The following ARHGAP44 variants were observed in gnomAD, a reference collection of about 807,000 sequenced individuals.
The protein encoded by ARHGAP44 is Rho GTPase activating protein 44, also known as rho GTPase-activating protein 44.
Under a neutral mutation model 106.8 loss-of-function variants are expected in ARHGAP44, and 43 were observed. The observed-to-expected ratio is 0.40, with a 90% CI of 0.32 to 0.52. The LOEUF (loss-of-function observed/expected upper bound fraction) is 0.52. Among genes scored for constraint, ARHGAP44 ranks in the 20% least tolerant of loss-of-function variants. The pLI is 0.48. For missense variants in ARHGAP44, 866 were observed against 1,050.5 expected, an observed-to-expected ratio of 0.82 and a Z score of 2.43; for synonymous variants, 439 against 410.3, an observed-to-expected ratio of 1.07 and a Z score of -0.85.
At chr17:12,970,055 C>T (rs2039486792) in intron 16 of ARHGAP44, among the ~76,000 whole-genome samples, 1 of 152,088 alleles carries the variant, frequency 6.6e-6, no homozygotes, top group Non-Finnish European at 1.5e-5. Context: ...GTGGGTCTAC[C>T]TTGCCAAAAT....
chr17:12,954,852 T>C (rs917095299), intron 13 of ARHGAP44, among the ~76,000 whole-genome samples: 9 of 152,208 alleles, frequency 5.9e-5, no homozygotes, highest in African/African-American at 1.9e-4. Context: ...TTTTATAAAA[T>C]AACTTTATTA....
chr17:12,838,168 A>G (rs2035291500), intron 1 of ARHGAP44, among the ~76,000 whole-genome samples: 1 of 152,222 alleles, frequency 6.6e-6, no homozygotes, highest in Non-Finnish European at 1.5e-5. Flanking sequence ...AGTAATTGCT[A>G]ACACTATCCT....
chr17:12,912,535 A>T (rs7222249), intron 4 of ARHGAP44, among the ~76,000 whole-genome samples: 111,035 of 152,060 alleles, frequency 0.73, 40,836 homozygotes, highest in East Asian at 0.98. Context: ...CCAACAGCAT[A>T]TTCCGGATCT....
At chr17:12,831,016 G>T (rs1003643016) in intron 1 of ARHGAP44, among the ~76,000 whole-genome samples, 2 of 152,264 alleles carry the variant, frequency 1.3e-5, no homozygotes, top group East Asian at 3.9e-4. Flanking sequence ...TTTCCTGTTC[G>T]GTTTTTGTCC....
At chr17:12,910,954 G>C (rs1015408589) in intron 4 of ARHGAP44, among the ~76,000 whole-genome samples, 1 of 136,462 alleles carries the variant, frequency 7.3e-6, no homozygotes, top group Non-Finnish European at 1.6e-5. Context: ...ACCACAAAAA[G>C]AATAGAAATA....
chr17:12,790,337 G>C (rs1348891383), intron 1 of ARHGAP44: 2 of 166,874 alleles, frequency 1.2e-5, no homozygotes, highest in African/African-American at 4.8e-5. Context: ...CGGGTCCAGG[G>C]AAAGTGCTGG....
intron 20 of ARHGAP44, chr17:12,985,498 A>G (rs1480456107): frequency 1.3e-5 from 2 of 152,192 alleles, no homozygotes; most frequent in African/African-American, 4.8e-5. Context: ...ACAAACCCAC[A>G]ACGACTTAAT....
At chr17:12,841,641 A>ACACACAC (rs2035409552) in intron 1 of ARHGAP44, among the ~76,000 whole-genome samples, 1 of 127,806 alleles carries the variant, frequency 7.8e-6, no homozygotes, top group Non-Finnish European at 1.6e-5. Flanking sequence ...CACACACACA[A>ACACACAC]ACAAACAAAC....
chr17:12,934,221 GT>G (rs1449853236), intron 7 of ARHGAP44, among the ~76,000 whole-genome samples: 2 of 152,082 alleles, frequency 1.3e-5, no homozygotes, highest in Admixed American at 1.3e-4. Context: ...CTCTCTTTTA[GT>G]TTGTATCTCT....
At chr17:12,973,485 G>A (rs1054621288) in intron 17 of ARHGAP44, 166 bp downstream of exon 17, 28 of 702,288 alleles carry the variant, frequency 4.0e-5, no homozygotes, top group Non-Finnish European at 5.9e-5. Context: ...AGCCCAGAGG[G>A]ACCATAGGCA....
chr17:12,980,036 G>C (rs984374101), intron 18 of ARHGAP44, 22 bp from the exon 19 acceptor site: 1 of 1,582,948 alleles, frequency 6.3e-7, no homozygotes, highest in African/African-American at 1.4e-5. Context: ...CTTTTCTTTT[G>C]TCTCATGTGC....
chr17:12,839,417 C>CT (rs1276014933), intron 1 of ARHGAP44, among the ~76,000 whole-genome samples: 1 of 152,184 alleles, frequency 6.6e-6, no homozygotes, highest in Non-Finnish European at 1.5e-5. Context: ...GAAATGAACT[C>CT]TAATTTGTTT....
chr17:12,856,270 CTG>C (rs1403226271), intron 1 of ARHGAP44, among the ~76,000 whole-genome samples: 3 of 152,154 alleles, frequency 2.0e-5, no homozygotes, highest in African/African-American at 7.2e-5. Context: ...ATCTAGTAAA[CTG>C]TGCATCCTAC....
chr17:12,957,074 T>A (rs2322711), intron 15 of ARHGAP44, among the ~76,000 whole-genome samples: 21,099 of 151,472 alleles, frequency 0.14, 1,691 homozygotes, highest in South Asian at 0.33. Context: ...CCTCACCCCC[T>A]CTACCCACTG....
At chr17:12,929,145 G>C in intron 7 of ARHGAP44, 99 bp downstream of exon 7, 2 of 1,138,764 alleles carry the variant, frequency 1.8e-6, no homozygotes, top group Admixed American at 4.3e-5. Flanking sequence ...CTGTCAGTGA[G>C]GCTCTAGTTG....
At chr17:12,826,174 C>G (rs1045156003) in intron 1 of ARHGAP44, among the ~76,000 whole-genome samples, 2 of 152,112 alleles carry the variant, frequency 1.3e-5, no homozygotes, top group Non-Finnish European at 2.9e-5. Context: ...TATTTTATCA[C>G]TTAGCTATTA....
chr17:12,968,924 C>T (rs1478081605), intron 16 of ARHGAP44, among the ~76,000 whole-genome samples: 2 of 152,064 alleles, frequency 1.3e-5, no homozygotes, highest in Non-Finnish European at 2.9e-5. Flanking sequence ...CACCCACCAC[C>T]ACGCCCGGCT....
At chr17:12,988,270 C>G (rs2040009246) in intron 20 of ARHGAP44, 1 of 152,260 alleles carries the variant, frequency 6.6e-6, no homozygotes, top group South Asian at 2.1e-4. Context: ...CTGTATTATT[C>G]CCATTTGACT....
At chr17:12,922,773 A>G (rs373605374) in intron 6 of ARHGAP44, among the ~76,000 whole-genome samples, 152 of 151,996 alleles carry the variant, frequency 1.0e-3, no homozygotes, top group African/African-American at 3.5e-3. Flanking sequence ...TAATTTTTGT[A>G]TTTTTAGTAT....
Sources: gnomAD v4.1 joint callset for allele counts (sites outside exome capture counted in the v4.1 genomes callset) on GRCh38, gnomAD v4.1.1 for gene constraint, MANE v1.5 for transcripts, NCBI Gene and HGNC (gene_info 2026-07-23, HGNC 2026-07-21) for gene names.